Variants in CTNNA3 observed in about 807,000 individuals in gnomAD.
CTNNA3 encodes catenin alpha 3.
Under a neutral mutation model 95.7 loss-of-function variants are expected in CTNNA3, and 76 were observed. That is an observed-to-expected ratio of 0.79 (90% CI 0.66 to 0.96). CTNNA3 has a LOEUF of 0.96. Among genes scored for constraint, CTNNA3 ranks in the 40% least tolerant of loss-of-function variants. CTNNA3 has a pLI of 0.00. For missense variants in CTNNA3, 1,191 were observed against 1,089.8 expected (o/e 1.09, Z -1.31); for synonymous variants, 431 against 374.4 (o/e 1.15, Z -1.74).
intron 7 of CTNNA3, among the ~76,000 whole-genome samples, chr10:67,095,248 T>C (rs1329387828): frequency 6.6e-6 from 1 of 151,668 alleles, no homozygotes; most frequent in Non-Finnish European, 1.5e-5. Flanking sequence ...TAGAATCAAC[T>C]TTAAAATGCA....
chr10:66,191,209 T>G (rs1328385211), intron 13 of CTNNA3, among the ~76,000 whole-genome samples: 2 of 152,116 alleles, frequency 1.3e-5, no homozygotes, highest in Admixed American at 6.6e-5. Flanking sequence ...GATAAATAAA[T>G]TCTCTTGAGA....
chr10:66,896,565 G>A (rs1845500360), intron 7 of CTNNA3, among the ~76,000 whole-genome samples: 1 of 152,106 alleles, frequency 6.6e-6, no homozygotes, highest in African/African-American at 2.4e-5. Context: ...AAATAATGCT[G>A]GTAAATAACT....
intron 13 of CTNNA3, among the ~76,000 whole-genome samples, chr10:66,124,051 G>C (rs1252182276): frequency 2.0e-5 from 3 of 152,172 alleles, no homozygotes; most frequent in African/African-American, 7.2e-5. Context: ...CAGCTGGCTT[G>C]CATTTCTCCT....
chr10:65,934,119 A>G (rs750065080), intron 17 of CTNNA3, among the ~76,000 whole-genome samples: 58 of 152,208 alleles, frequency 3.8e-4, no homozygotes, highest in Non-Finnish European at 6.0e-4. Context: ...TAAACTTTGT[A>G]ATAACCATAA....
intron 13 of CTNNA3, among the ~76,000 whole-genome samples, chr10:66,219,977 G>C (rs547619647): frequency 5.9e-5 from 9 of 152,134 alleles, no homozygotes; most frequent in Admixed American, 3.3e-4. Flanking sequence ...ACAAAAATTA[G>C]CTGGGCATGG....
In CTNNA3 at chr10:66,933,668, A is replaced by G. The variant is rs556420604; in HGVS notation, c.1048-158144T>C. Among the ~76,000 whole-genome samples the G allele has an allele frequency of 4.6e-5, 7 of 152,292 alleles. No homozygotes were observed. The South Asian group carries it at 6.2e-4, about 14-fold the overall frequency. On this transcript the variant is annotated intron_variant, in intron 7 of 17. Transcript: ENST00000433211. Reference sequence around the variant, plus strand: ...ACTGTGCCCAAGATCTCCTCTTAGTATAGAAATTACTATTGACTTTATCAA... The same window carrying G: ...ACTGTGCCCAAGATCTCCTCTTAGTGTAGAAATTACTATTGACTTTATCAA...
At chr10:67,455,845 C>T (rs1847153342) in intron 5 of CTNNA3, among the ~76,000 whole-genome samples, 1 of 151,984 alleles carries the variant, frequency 6.6e-6, no homozygotes, top group Admixed American at 6.6e-5. Flanking sequence ...AACACTGAAT[C>T]CTGGCACAGA....
chr10:66,761,682 A>C (rs1839607061), intron 9 of CTNNA3, among the ~76,000 whole-genome samples: 1 of 152,162 alleles, frequency 6.6e-6, no homozygotes, highest in African/African-American at 2.4e-5. Context: ...ATTGAATGTA[A>C]TGGCATTCTT....
chr10:67,166,432 T>C (rs1264753301), intron 7 of CTNNA3, among the ~76,000 whole-genome samples: 1 of 152,212 alleles, frequency 6.6e-6, no homozygotes, highest in African/African-American at 2.4e-5. Context: ...ACTTCAGATC[T>C]CTGTTATAAG....
At chr10:67,429,772 G>A (rs546812935) in intron 5 of CTNNA3, among the ~76,000 whole-genome samples, 1 of 151,964 alleles carries the variant, frequency 6.6e-6, no homozygotes, top group East Asian at 1.9e-4. Flanking sequence ...CTCCAAACTG[G>A]TAAGGCAATT....
chr10:66,593,645 A>G (rs1198577277), intron 10 of CTNNA3, among the ~76,000 whole-genome samples: 1 of 152,106 alleles, frequency 6.6e-6, no homozygotes, highest in Admixed American at 6.6e-5. Flanking sequence ...CCAAAGTCAC[A>G]TTGAATCAAA....
chr10:66,709,022 G>T (rs1848209752), intron 9 of CTNNA3, among the ~76,000 whole-genome samples: 1 of 152,056 alleles, frequency 6.6e-6, no homozygotes, highest in Admixed American at 6.6e-5. Flanking sequence ...AGCTTTTAGT[G>T]TGAAAACGTC....
At chr10:67,232,539 C>G (rs1038745181) in intron 5 of CTNNA3, among the ~76,000 whole-genome samples, 3 of 151,902 alleles carry the variant, frequency 2.0e-5, no homozygotes, top group African/African-American at 7.3e-5. Flanking sequence ...ACAACTGGTA[C>G]CAGCCACTGC....
rs1019301133 is a variant in CTNNA3, at chr10:66,968,378, A to G, written c.1048-192854T>C. Among the ~76,000 whole-genome samples the G allele has an allele frequency of 4.0e-5, 6 of 150,148 alleles. No individual in the cohort carries two copies. The East Asian group carries it at 7.7e-4, about 19-fold the overall frequency. On this transcript the variant is annotated intron_variant, in intron 7 of 17. Coordinates refer to ENST00000433211, the MANE Select transcript of CTNNA3 (RefSeq NM_013266.4). ...TATATATAAAACACATCGAAAAAAG[A>G]TATACATACATATTAGTTTGACATT...
chr10:66,416,805 T>A (rs2093150188), intron 11 of CTNNA3, among the ~76,000 whole-genome samples: 1 of 151,856 alleles, frequency 6.6e-6, no homozygotes, highest in Non-Finnish European at 1.5e-5. Flanking sequence ...CAATAAATAC[T>A]CAAAGAACTC....
intron 15 of CTNNA3, among the ~76,000 whole-genome samples, chr10:66,054,414 G>A (rs1481161449): frequency 6.6e-6 from 1 of 152,124 alleles, no homozygotes; most frequent in Non-Finnish European, 1.5e-5. Context: ...TTGGATAAAA[G>A]CCATTTTAAC....
intron 7 of CTNNA3, chr10:67,176,995 G>A (rs762217923): frequency 2.0e-6 from 1 of 492,900 alleles, no homozygotes; most frequent in South Asian, 1.5e-5. Context: ...CTGAAAGACA[G>A]AAATTTGTGT....
At chr10:67,580,138 G>C (rs1177995739) in intron 3 of CTNNA3, among the ~76,000 whole-genome samples, 1 of 152,168 alleles carries the variant, frequency 6.6e-6, no homozygotes, top group Non-Finnish European at 1.5e-5. Context: ...CTGTGCCTAT[G>C]TCCTGAATGG....
rs542187879 is a variant in CTNNA3 at position 66,124,043 on chromosome 10, G to A, written c.1885-20794C>T. Among the ~76,000 whole-genome samples, 5 of 152,252 alleles carry A rather than the reference G, an allele frequency of 3.3e-5. No individual in the cohort carries two copies. In the South Asian group the frequency reaches 1.0e-3, roughly 32 times the overall value. ...CTCATTACTTACGCAAATTTCTGCA[G>A]CTGGCTTGCATTTCTCCTCAGAAAA... On this transcript the variant is annotated intron_variant, in intron 13 of 17. Coordinates refer to ENST00000433211, the MANE Select transcript of CTNNA3 (RefSeq NM_013266.4).
Sources: allele counts gnomAD v4.1 joint callset (sites outside exome capture counted in the v4.1 genomes callset), GRCh38; gene constraint gnomAD v4.1.1; transcripts MANE v1.5; gene names NCBI Gene and HGNC (gene_info 2026-07-23, HGNC 2026-07-21).